Variants in LOXHD1 observed in about 807,000 individuals in gnomAD.
LOXHD1 encodes lipoxygenase homology domain-containing protein 1.
LOXHD1 carries 205 observed loss-of-function variants against 248.2 expected under a neutral mutation model. The ratio of observed to expected loss-of-function variants is 0.83; its 90% CI spans 0.74 to 0.93. The LOEUF is 0.93. Among genes scored for constraint, LOXHD1 ranks in the 40% least tolerant of loss-of-function variants. The probability of loss-of-function intolerance (pLI) is 0.00; values close to 1 mark genes in which losing one functional copy is unlikely to be tolerated. For synonymous variants in LOXHD1, 1,113 were observed against 1,162.8 expected (o/e 0.96, Z 0.87); for missense variants, 2,930 against 2,971.6 (o/e 0.99, Z 0.33).
intron 1 of LOXHD1, among the ~76,000 whole-genome samples, chr18:46,653,669 T>C (rs1306808026): frequency 6.6e-6 from 1 of 152,302 alleles, no homozygotes; most frequent in African/African-American, 2.4e-5. Flanking sequence ...TGAATGATCA[T>C]ATGAATGAAT....
chr18:46,520,634 C>T (rs2035528617), intron 33 of LOXHD1: 1 of 250,854 alleles, frequency 4.0e-6, no homozygotes, highest in Non-Finnish European at 7.8e-6. Flanking sequence ...CCATTGGCTG[C>T]ACCGTGAGAC....
At chr18:46,484,124 G>A (rs1190387958) in intron 39 of LOXHD1, among the ~76,000 whole-genome samples, 1 of 152,082 alleles carries the variant, frequency 6.6e-6, no homozygotes, top group Admixed American at 6.5e-5. Flanking sequence ...TATTTCTGGG[G>A]GAATGCTGGC....
chr18:46,656,782 G>T, intron 1 of LOXHD1, 122 bp downstream of exon 1: 1 of 1,128,358 alleles, frequency 8.9e-7, no homozygotes, highest in Non-Finnish European at 1.3e-6. Flanking sequence ...ACAGACACAT[G>T]GGATAATCAG....
In LOXHD1 at chr18:46,477,319, G is replaced by C; in HGVS notation, c.*153C>G. ...ATCACTGTAGGTTCAATAAACTGGGGGTAGGGTGGGGAGCAGGACCCCATG... is the reference window on the plus strand; with the variant it reads ...ATCACTGTAGGTTCAATAAACTGGGCGTAGGGTGGGGAGCAGGACCCCATG... On this transcript the variant is annotated 3_prime_UTR_variant, in exon 41 of 41. Coordinates refer to ENST00000642948, the MANE Select transcript of LOXHD1 (RefSeq NM_001384474.1). 1.0e-6 allele frequency: 1 copy of C among 973,444 alleles called. No homozygotes were observed. The highest frequency in any genetic ancestry group is 2.0e-5 in the Admixed American group (1 of 50,276). The allele number at this position is 973,444 out of a possible 1,614,324, so 60.3% of individuals were successfully genotyped here.
chr18:46,609,630 G>A (rs1019864057), intron 6 of LOXHD1, among the ~76,000 whole-genome samples: 3 of 152,168 alleles, frequency 2.0e-5, no homozygotes, highest in African/African-American at 7.2e-5. Context: ...CTATGCAAAA[G>A]GCCGGTTGCC....
intron 10 of LOXHD1, among the ~76,000 whole-genome samples, chr18:46,593,005 C>A (rs1300823813): frequency 6.6e-6 from 1 of 152,164 alleles, no homozygotes; most frequent in Non-Finnish European, 1.5e-5. Context: ...TCTAGGGGCT[C>A]ATAGTCTAGC....
At chr18:46,564,778 A>T (rs1053072819) in intron 17 of LOXHD1, among the ~76,000 whole-genome samples, 1 of 152,168 alleles carries the variant, frequency 6.6e-6, no homozygotes, top group Non-Finnish European at 1.5e-5. Context: ...TTATACTGGC[A>T]AGTGCCATTA....
At chr18:46,552,536 C>T (rs1198962411) in intron 21 of LOXHD1, among the ~76,000 whole-genome samples, 1 of 152,152 alleles carries the variant, frequency 6.6e-6, no homozygotes, top group African/African-American at 2.4e-5. Context: ...TCTGCTGAGA[C>T]CCGGACTGCC....
At chr18:46,649,954 C>G (rs189024858) in intron 1 of LOXHD1, among the ~76,000 whole-genome samples, 2 of 152,172 alleles carry the variant, frequency 1.3e-5, no homozygotes, top group Non-Finnish European at 2.9e-5. Context: ...GTGAAGCAAG[C>G]AGGATGCAAT....
chr18:46,560,052 T>TACCCC, intron 19 of LOXHD1, 31 bp downstream of exon 19: 4 of 441,122 alleles, frequency 9.1e-6, no homozygotes, highest in Non-Finnish European at 1.4e-5. Context: ...GGCCACTCCC[T>TACCCC]CCCCACCCCC....
intron 21 of LOXHD1, among the ~76,000 whole-genome samples, chr18:46,551,334 A>C (rs1034367063): frequency 4.0e-5 from 6 of 151,840 alleles, no homozygotes; most frequent in Non-Finnish European, 8.8e-5. Flanking sequence ...CGATCTCCTG[A>C]CCTTGTGATC....
chr18:46,531,791 C>T (rs1457081714), intron 28 of LOXHD1, among the ~76,000 whole-genome samples: 1 of 152,182 alleles, frequency 6.6e-6, no homozygotes, highest in African/African-American at 2.4e-5. Context: ...CACAGAACAG[C>T]CCAAGTGCTC....
intron 8 of LOXHD1, 127 bp downstream of exon 8, chr18:46,601,090 T>A (rs2038329659): frequency 7.9e-7 from 1 of 1,269,958 alleles, no homozygotes; most frequent in African/African-American, 1.5e-5. Context: ...AAATGCCCAA[T>A]GAAAGAGATT....
At position 46,525,023 on chromosome 18, in the gene LOXHD1, A is replaced by C. The variant is rs557557058; in HGVS notation, c.4531-106T>G. ...CCTTCCCCCTCAGTTGCTGCACTGA[A>C]CAGACCTTCTTTGCTGGGGAGCCCT... On this transcript the variant is annotated intron_variant, in intron 29 of 40. Coordinates refer to ENST00000642948, the MANE Select transcript of LOXHD1 (RefSeq NM_001384474.1). The C allele has an allele frequency of 2.0e-4, 267 of 1,304,496 alleles. No homozygotes were observed. In the African/African-American group the frequency reaches 3.4e-3, roughly 17 times the overall value. 80.8% of individuals were successfully genotyped at this position (1,304,496 alleles called of 1,614,324 possible). A position where few individuals can be genotyped will look rare whatever the true frequency, so the allele number is the denominator to read the frequency against.
chr18:46,622,149 T>A (rs8089556), intron 4 of LOXHD1, among the ~76,000 whole-genome samples: 5,178 of 152,300 alleles, frequency 0.034, 286 homozygotes, highest in African/African-American at 0.11. Flanking sequence ...CCAGACCCTA[T>A]GCCAGGGTGG....
chr18:46,553,361 A>G (rs1024385567), intron 21 of LOXHD1, among the ~76,000 whole-genome samples: 1 of 152,204 alleles, frequency 6.6e-6, no homozygotes, highest in Non-Finnish European at 1.5e-5. Context: ...TGAGGCTCAG[A>G]GGAGTAAAGT....
chr18:46,615,420 G>A (rs2038572134), intron 5 of LOXHD1, among the ~76,000 whole-genome samples: 1 of 152,150 alleles, frequency 6.6e-6, no homozygotes, highest in African/African-American at 2.4e-5. Context: ...TCTGTTCCGG[G>A]TGGTGGTGGT....
In LOXHD1 at chr18:46,533,326, T is replaced by A. The variant is rs1317094682; in HGVS notation, c.4213-2A>T. 6.4e-7 allele frequency: 1 copy of A among 1,551,458 alleles called. No homozygotes were observed. The highest frequency in any genetic ancestry group is 1.2e-5 in the South Asian group (1 of 84,010). ...TGGGAAAGTCAAGGTCTCTGCACCC[T>A]GGGGTGAGGCAGAAAAAGGAAAATT... is the stretch of plus-strand genomic sequence containing the variant. On this transcript the variant is annotated splice_acceptor_variant, in intron 27 of 40. Coordinates refer to ENST00000642948, the MANE Select transcript of LOXHD1 (RefSeq NM_001384474.1). LOFTEE classifies it high-confidence loss of function.
At chr18:46,612,894 T>C (rs979955767) in intron 5 of LOXHD1, among the ~76,000 whole-genome samples, 7 of 152,178 alleles carry the variant, frequency 4.6e-5, no homozygotes, top group South Asian at 4.1e-4. Flanking sequence ...ATGCCAACTC[T>C]ATGTGTGCTT....
Sources: gnomAD v4.1 joint callset for allele counts (sites outside exome capture counted in the v4.1 genomes callset) on GRCh38, gnomAD v4.1.1 for gene constraint, MANE v1.5 for transcripts, NCBI Gene and HGNC (gene_info 2026-07-23, HGNC 2026-07-21) for gene names.